GOLGA4: variants seen among roughly 807,000 people sequenced by gnomAD.
The protein encoded by GOLGA4 is golgin A4.
In GOLGA4, 169 loss-of-function variants were observed where a neutral mutation model predicts 265.9. That is an observed-to-expected ratio of 0.64 (90% CI 0.56 to 0.72). The LOEUF is 0.72. Among genes scored for constraint, GOLGA4 ranks in the 30% least tolerant of loss-of-function variants. The pLI is 0.00. For missense variants in GOLGA4, 2,482 were observed against 2,483.4 expected, an observed-to-expected ratio of 1.00 and a Z score of 0.01; for synonymous variants, 923 against 855.8, an observed-to-expected ratio of 1.08 and a Z score of -1.37.
intron 2 of GOLGA4, among the ~76,000 whole-genome samples, chr3:37,278,813 CTTT>C (rs1267375433): frequency 2.3e-5 from 3 of 131,366 alleles, no homozygotes; most frequent in Middle Eastern, 4.1e-3. Flanking sequence ...AGTTTGTTTA[CTTT>C]TTTTTTTTTT....
intron 5 of GOLGA4, 122 bp from the exon 6 acceptor site, chr3:37,294,857 A>G: frequency 1.7e-6 from 1 of 598,408 alleles, no homozygotes; most frequent in Non-Finnish European, 3.0e-6. Flanking sequence ...ATTATTCTCT[A>G]ATTATTGTTG....
At chr3:37,244,451 C>T (rs1056666329) in intron 1 of GOLGA4, among the ~76,000 whole-genome samples, 3 of 152,200 alleles carry the variant, frequency 2.0e-5, no homozygotes, top group African/African-American at 7.2e-5. Flanking sequence ...GAAACAATTT[C>T]CTAAGCGTTC....
At chr3:37,350,117 C>T (rs1395028096) in intron 21 of GOLGA4, among the ~76,000 whole-genome samples, 1 of 152,176 alleles carries the variant, frequency 6.6e-6, no homozygotes, top group Non-Finnish European at 1.5e-5. Context: ...GGAGAGATCA[C>T]TTGTAAATCA....
rs114689956 is a variant in GOLGA4, at chr3:37,254,835, T to G, written c.162+3351T>G. On this transcript the variant is annotated intron_variant, in intron 2 of 23. Transcript: ENST00000361924. ...ACAATTTTTAAATTAGCTTATATAT[T>G]ATATATATTAGCTTATTATATTATT... is the stretch of plus-strand genomic sequence containing the variant. Among the ~76,000 whole-genome samples, 831 of 148,234 alleles carry G rather than the reference T, an allele frequency of 5.6e-3. 9 individuals are homozygous for G. The highest frequency in any genetic ancestry group is 0.019 in the African/African-American group (785 of 40,868).
In GOLGA4 at chr3:37,289,010, A is replaced by G. The variant is rs547798287; in HGVS notation, c.526-225A>G. Among the ~76,000 whole-genome samples, 7 of 152,372 alleles carry G rather than the reference A, an allele frequency of 4.6e-5. No homozygotes were observed. In the East Asian group the frequency reaches 5.8e-4, roughly 13 times the overall value. On this transcript the variant is annotated intron_variant, in intron 4 of 23. Coordinates refer to ENST00000361924, the MANE Select transcript of GOLGA4 (RefSeq NM_002078.5). ...TTAACAAATGTATAGATTTTGAACCACTGCCACTGCCAGGATGCAGAACAG... is the reference window on the plus strand; with the variant it reads ...TTAACAAATGTATAGATTTTGAACCGCTGCCACTGCCAGGATGCAGAACAG...
chr3:37,292,395 G>A (rs1392267646), intron 5 of GOLGA4, among the ~76,000 whole-genome samples: 1 of 152,088 alleles, frequency 6.6e-6, no homozygotes, highest in African/African-American at 2.4e-5. Flanking sequence ...CATTAAAGTA[G>A]TTGTGGCCGG....
chr3:37,280,453 A>G (rs950176025), intron 2 of GOLGA4, among the ~76,000 whole-genome samples: 2 of 152,196 alleles, frequency 1.3e-5, no homozygotes, highest in Non-Finnish European at 2.9e-5. Flanking sequence ...TGAAACATAA[A>G]TGAATTTCGT....
chr3:37,326,744 G>T lies in GOLGA4; in HGVS notation c.4858G>T (p.Glu1620Ter). The change falls in exon 14 of 24, where the codon GAG becomes TAG. Residue 1620 changes from glutamate to a stop codon, truncating the protein, a stop_gained. Coordinates refer to ENST00000361924, the MANE Select transcript of GOLGA4 (RefSeq NM_002078.5). LOFTEE classifies it high-confidence loss of function. ...GAATTTAAGTGTGAAAAGCAAAGAG[G>T]AGGAGTTAAAGGCATTGGAAGATAG... ...HVNLSVKSKE[E>*]ELKALEDRLE... 6.2e-7 allele frequency: 1 copy of T among 1,613,690 alleles called. No homozygotes were observed. The highest frequency in any genetic ancestry group is 1.1e-5 in the South Asian group (1 of 91,058).
intron 12 of GOLGA4, chr3:37,320,111 T>TCCCAGCTACTTGGGAGGC (rs781357967): frequency 3.1e-4 from 35 of 113,838 alleles, no homozygotes; most frequent in South Asian, 6.8e-4. Flanking sequence ...TAAAAAAGAG[T>TCCCAGCTACTTGGGAGGC]TAAATTAAAA....
At chr3:37,355,064 ACTGT>A (rs1044282462) in intron 21 of GOLGA4, 33 bp from the exon 22 acceptor site, 5 of 1,157,644 alleles carry the variant, frequency 4.3e-6, no homozygotes, top group Non-Finnish European at 6.5e-6. Flanking sequence ...TATATGCTTC[ACTGT>A]CTGTTAGTGA....
At chr3:37,311,400 A>C (rs1326407758) in intron 10 of GOLGA4, among the ~76,000 whole-genome samples, 1 of 152,180 alleles carries the variant, frequency 6.6e-6, no homozygotes, top group Non-Finnish European at 1.5e-5. Context: ...TTTTGTTGAG[A>C]GTTAAAAGCC....
At chr3:37,365,124 A>T (rs774899050) in intron 23 of GOLGA4, among the ~76,000 whole-genome samples, 13 of 152,110 alleles carry the variant, frequency 8.5e-5, no homozygotes, top group Non-Finnish European at 1.5e-4. Context: ...TTTAATTTTT[A>T]AATTAAATTT....
intron 2 of GOLGA4, among the ~76,000 whole-genome samples, chr3:37,275,215 C>CAAAAAAAAAAAAAAAAAAAAAA (rs749758741): frequency 4.4e-5 from 2 of 44,960 alleles, no homozygotes; most frequent in African/African-American, 8.8e-5. Flanking sequence ...GACTCCGTCT[C>CAAAAAAAAAAAAAAAAAAAAAA]AAAAAAAAAA....
rs960502792 is a variant in GOLGA4, at chr3:37,282,055, C to T, written c.260C>T (p.Ser87Phe). 1 of 1,613,976 alleles carries T rather than the reference C, an allele frequency of 6.2e-7. No homozygotes were observed. Residue 87 changes from serine (S) to phenylalanine (F), a missense_variant, in exon 3 of 24, where the codon TCT becomes TTT. Ser to Phe is a radical substitution (Grantham distance 155). This residue lies in a region of GOLGA4 where 1,536 missense variants were observed against 1,483.7 expected (regional missense o/e 1.04). Transcript: ENST00000361924. ...CCGATAAAGGAATCTCTATTCCGGT[C>T]TTCTTCTAAAGAGTCTTTGGTACGA... ...RSPIKESLFRSSSKESLVRTS... is the reference protein window; with the variant it reads ...RSPIKESLFRFSSKESLVRTS...
intron 17 of GOLGA4, among the ~76,000 whole-genome samples, chr3:37,335,815 A>G (rs2097009734): frequency 1.3e-5 from 2 of 150,508 alleles, no homozygotes; most frequent in Admixed American, 1.3e-4. Flanking sequence ...AAGGTAGACC[A>G]TGTTTACTCC....
intron 2 of GOLGA4, among the ~76,000 whole-genome samples, chr3:37,262,830 G>T (rs1329963297): frequency 6.6e-6 from 1 of 151,918 alleles, no homozygotes; most frequent in African/African-American, 2.4e-5. Flanking sequence ...TATATGATGT[G>T]CCTCATAATG....
At chr3:37,303,968 T>C (rs1031146908) in intron 10 of GOLGA4, among the ~76,000 whole-genome samples, 9 of 152,198 alleles carry the variant, frequency 5.9e-5, no homozygotes, top group African/African-American at 2.2e-4. Context: ...TTAAGTAATT[T>C]ACCTACATTT....
At chr3:37,306,938 T>G (rs1352794036) in intron 10 of GOLGA4, among the ~76,000 whole-genome samples, 1 of 152,176 alleles carries the variant, frequency 6.6e-6, no homozygotes, top group Non-Finnish European at 1.5e-5. Context: ...CCATAGACTT[T>G]TAGTCTTTTT....
intron 5 of GOLGA4, among the ~76,000 whole-genome samples, chr3:37,293,504 G>A (rs562667396): frequency 6.6e-6 from 1 of 152,256 alleles, no homozygotes; most frequent in Admixed American, 6.5e-5. Context: ...AAAAAATATT[G>A]ATTATATGCA....
Sources: allele counts gnomAD v4.1 joint callset (sites outside exome capture counted in the v4.1 genomes callset), GRCh38; gene constraint gnomAD v4.1.1; regional missense constraint gnomAD v4.1.1; transcripts MANE v1.5; gene names NCBI Gene and HGNC (gene_info 2026-07-23, HGNC 2026-07-21).